Variants in NOX3 observed in about 807,000 individuals in gnomAD.
NOX3 encodes the protein NADPH oxidase 3, also known as NADPH oxidase catalytic subunit-like 3.
In NOX3, 74 loss-of-function variants were observed where a neutral mutation model predicts 76.7. The ratio of observed to expected loss-of-function variants is 0.96; its 90% CI spans 0.80 to 1.17. The LOEUF is 1.17. Ranked by LOEUF, NOX3 falls within the 50% of genes most tolerant of loss-of-function variation. The pLI, the probability that NOX3 is intolerant of heterozygous loss-of-function variation, is 0.00. For missense variants in NOX3, 695 were observed against 703.3 expected (o/e 0.99, Z 0.13); for synonymous variants, 263 against 261.1 (o/e 1.01, Z -0.07).
rs1336706300 is a variant in NOX3 at position 155,429,508 on chromosome 6, C to T, written c.892-461G>A. Reference sequence around the variant, plus strand: ...GTCTTGTGAATTAACCCTCTTATTTCTTCAGGCTAAGTGAAAAACAATCTT... The same window carrying T: ...GTCTTGTGAATTAACCCTCTTATTTTTTCAGGCTAAGTGAAAAACAATCTT... On this transcript the variant is annotated intron_variant, in intron 8 of 13. Coordinates refer to ENST00000159060, the MANE Select transcript of NOX3 (RefSeq NM_015718.3). 2.0e-5 allele frequency among the ~76,000 whole-genome samples: 3 copies of T among 152,218 alleles called. No individual in the cohort carries two copies. The East Asian group carries it at 5.8e-4, about 29-fold the overall frequency.
At chr6:155,403,709 C>G (rs1779264287) in intron 12 of NOX3, among the ~76,000 whole-genome samples, 5 of 152,168 alleles carry the variant, frequency 3.3e-5, no homozygotes, top group Admixed American at 3.3e-4. Flanking sequence ...AAACTGATTA[C>G]TCTTTACTCC....
At position 155,453,475 on chromosome 6, in the gene NOX3, G is replaced by A. The variant is rs1232739925; in HGVS notation, c.269C>T (p.Pro90Leu). 1 of 1,613,146 alleles carries A rather than the reference G, an allele frequency of 6.2e-7. No homozygotes were observed. Residue 90 changes from proline (P) to leucine (L), a missense_variant, in exon 4 of 14, where the codon CCG becomes CTG. Physicochemically the swap from Pro to Leu is moderately conservative, Grantham distance 98. Coordinates refer to ENST00000159060, the MANE Select transcript of NOX3 (RefSeq NM_015718.3). ...GTTTTTGTCTAATTGCCTCCTCCAC[G>A]GTCCTCTGCAGCACTAGAGTAACAA... ...IRGTSICCRG[P>L]WRRQLDKNLR...
chr6:155,438,441 C>T (rs893010300), intron 6 of NOX3, among the ~76,000 whole-genome samples: 3 of 152,220 alleles, frequency 2.0e-5, no homozygotes, highest in Non-Finnish European at 4.4e-5. Flanking sequence ...AGCAGAGGCA[C>T]AGGCAGTCTT....
At chr6:155,443,918 T>C (rs1777028047) in intron 4 of NOX3, among the ~76,000 whole-genome samples, 2 of 152,242 alleles carry the variant, frequency 1.3e-5, no homozygotes, top group Middle Eastern at 3.4e-3. Context: ...TGTATAGTTA[T>C]CATGGAAGTG....
chr6:155,429,301 C>A (rs1346359195), intron 8 of NOX3, among the ~76,000 whole-genome samples: 1 of 152,180 alleles, frequency 6.6e-6, no homozygotes, highest in Non-Finnish European at 1.5e-5. Context: ...TGGTGCCCAG[C>A]ATGTGAGTCC....
rs776049171 is a variant in NOX3, at chr6:155,407,205, C to G, written c.1505G>C (p.Gly502Ala). ...CCCATAGAAGGTCTTCTGCTTTAAG[C>G]CTGTAATCACGTCAGTATTTTCGTC... The part of the protein sequence containing the change: ...HWDENTDVIT[G>A]LKQKTFYGRP... The change falls in exon 12 of 14, where the codon GGC becomes GCC. Residue 502 changes from glycine (G) to alanine (A), a missense_variant. Coordinates refer to ENST00000159060, the MANE Select transcript of NOX3 (RefSeq NM_015718.3). 1.2e-6 allele frequency: 2 copies of G among 1,613,822 alleles called. No individual in the cohort carries two copies. Among genetic ancestry groups the G allele is most frequent in the African/African-American group, 1.3e-5 (1 of 74,856 alleles).
intron 10 of NOX3, among the ~76,000 whole-genome samples, chr6:155,421,067 G>A (rs947443189): frequency 6.6e-6 from 1 of 152,184 alleles, no homozygotes; most frequent in Non-Finnish European, 1.5e-5. Context: ...TTTGATGACA[G>A]CAAAATTCAG....
chr6:155,443,665 T>G (rs886427568), intron 4 of NOX3, among the ~76,000 whole-genome samples: 5 of 152,180 alleles, frequency 3.3e-5, no homozygotes, highest in Admixed American at 6.5e-5. Context: ...TCTCAGTTCA[T>G]CATAAAGTGT....
chr6:155,397,081 C>T (rs534021659), intron 12 of NOX3, 119 bp from the exon 13 acceptor site: 2 of 965,256 alleles, frequency 2.1e-6, no homozygotes, highest in Non-Finnish European at 2.9e-6. Flanking sequence ...TTTTCTCCCT[C>T]CATGTCGTTT....
intron 11 of NOX3, among the ~76,000 whole-genome samples, chr6:155,409,348 C>T (rs547219167): frequency 8.5e-5 from 13 of 152,186 alleles, no homozygotes; most frequent in Admixed American, 4.6e-4. Context: ...CAGAGGAAAC[C>T]GATGGGGGTG....
At chr6:155,422,887 A>G in intron 9 of NOX3, 31 bp from the exon 10 acceptor site, 1 of 1,611,366 alleles carries the variant, frequency 6.2e-7, no homozygotes. Context: ...AGCCTATTTG[A>G]CCTTCAGAAC....
chr6:155,439,155 G>T (rs1036285269), intron 6 of NOX3, among the ~76,000 whole-genome samples: 1 of 152,138 alleles, frequency 6.6e-6, no homozygotes, highest in African/African-American at 2.4e-5. Context: ...TGTTGTGGGG[G>T]TCAAGTTGAT....
At chr6:155,434,725 T>A (rs1776879229) in intron 7 of NOX3, among the ~76,000 whole-genome samples, 1 of 152,188 alleles carries the variant, frequency 6.6e-6, no homozygotes, top group South Asian at 2.1e-4. Flanking sequence ...ATTTTGGTGA[T>A]GTCAAATCAG....
intron 4 of NOX3, among the ~76,000 whole-genome samples, chr6:155,449,568 A>C (rs1777108471): frequency 1.3e-5 from 2 of 152,186 alleles, no homozygotes; most frequent in African/African-American, 4.8e-5. Context: ...GGAAGCCAAA[A>C]GAAGAGTTCC....
chr6:155,453,620 AT>A, intron 3 of NOX3, 132 bp from the exon 4 acceptor site: 1 of 704,096 alleles, frequency 1.4e-6, no homozygotes, highest in Non-Finnish European at 2.6e-6. Flanking sequence ...ACAAAAGTTA[AT>A]GGCCATTAGT....
intron 11 of NOX3, among the ~76,000 whole-genome samples, chr6:155,410,650 A>T (rs951216787): frequency 6.6e-6 from 1 of 152,208 alleles, no homozygotes; most frequent in South Asian, 2.1e-4. Flanking sequence ...ACACCTGCCA[A>T]AACAAAAGAT....
intron 6 of NOX3, 83 bp from the exon 7 acceptor site, chr6:155,436,630 T>G: frequency 3.4e-6 from 5 of 1,455,182 alleles, no homozygotes; most frequent in Non-Finnish European, 4.7e-6. Flanking sequence ...CCCACAGGTA[T>G]ATATCCTACA....
In NOX3 at chr6:155,407,261, T is replaced by C; in HGVS notation, c.1456-7A>G. ...GTAAAGCTATGTGAAGAGCCTAAAG[T>C]AAATTTGTGGCATTAGATGACATTT... On this transcript the variant is annotated splice_polypyrimidine_tract_variant and splice_region_variant and intron_variant, in intron 11 of 13. Coordinates refer to ENST00000159060, the MANE Select transcript of NOX3 (RefSeq NM_015718.3). 1.2e-6 allele frequency: 2 copies of C among 1,608,662 alleles called. No homozygotes were observed. The highest frequency in any genetic ancestry group is 1.7e-6 in the Non-Finnish European group (2 of 1,177,374).
intron 9 of NOX3, among the ~76,000 whole-genome samples, chr6:155,427,532 G>A (rs1194069254): frequency 2.0e-5 from 3 of 152,222 alleles, no homozygotes; most frequent in Non-Finnish European, 2.9e-5. Context: ...AGATTCCGAG[G>A]AGGAAAGACA....
Sources: gnomAD v4.1 joint callset for allele counts (sites outside exome capture counted in the v4.1 genomes callset) on GRCh38, gnomAD v4.1.1 for gene constraint, MANE v1.5 for transcripts, NCBI Gene and HGNC (gene_info 2026-07-23, HGNC 2026-07-21) for gene names.